FBN1: variants seen among roughly 807,000 people sequenced by gnomAD.
FBN1 encodes the protein fibrillin-1.
FBN1 carries 29 observed loss-of-function variants against 365.1 expected under a neutral mutation model. The ratio of observed to expected loss-of-function variants is 0.08; its 90% CI spans 0.06 to 0.11. FBN1 has a LOEUF of 0.11. FBN1 is among the 10% of genes least tolerant of loss of function. The pLI is 1.00. For synonymous variants in FBN1, 1,210 were observed against 1,270.5 expected, an observed-to-expected ratio of 0.95 and a Z score of 1.01; for missense variants, 2,476 against 3,703.2, an observed-to-expected ratio of 0.67 and a Z score of 8.60.
At chr15:48,441,896 A>T in intron 49 of FBN1, 50 bp from the exon 50 acceptor site, 1 of 1,602,358 alleles carries the variant, frequency 6.2e-7, no homozygotes, top group South Asian at 1.1e-5. Flanking sequence ...TGGAGACATC[A>T]TCAGGTACCA....
intron 29 of FBN1, 21 bp downstream of exon 29, chr15:48,487,054 A>C: frequency 6.9e-7 from 1 of 1,452,554 alleles, no homozygotes; most frequent in Non-Finnish European, 9.1e-7. Context: ...ATAAAATAAA[A>C]TAAAATAAAA....
intron 47 of FBN1, 151 bp from the exon 48 acceptor site, chr15:48,445,655 T>C (rs577769742): frequency 7.0e-5 from 54 of 769,428 alleles, no homozygotes; most frequent in East Asian, 8.2e-5. Flanking sequence ...GAAGATCTAG[T>C]TTGCAACAAC....
intron 26 of FBN1, 39 bp from the exon 27 acceptor site, chr15:48,488,280 G>A (rs778278117): frequency 1.2e-6 from 2 of 1,614,096 alleles, no homozygotes; most frequent in African/African-American, 1.3e-5. Flanking sequence ...TGAGTCTCAG[G>A]ACAGCCTTAA....
At chr15:48,631,897 C>T (rs867889448) in intron 2 of FBN1, among the ~76,000 whole-genome samples, 89 of 152,302 alleles carry the variant, frequency 5.8e-4, no homozygotes, top group African/African-American at 2.1e-3. Flanking sequence ...TGGTTTTCAA[C>T]CCAGTCTTTC....
chr15:48,441,752 A>G lies in FBN1; in HGVS notation c.6132T>C (p.Phe2044=). The G allele has an allele frequency of 6.2e-7, 1 of 1,613,748 alleles. No individual in the cohort carries two copies. Among genetic ancestry groups the G allele is most frequent in the Non-Finnish European group, 8.5e-7 (1 of 1,179,692 alleles). The change falls in exon 50 of 66, where the codon TTT becomes TTC. Residue 2044 remains phenylalanine, a synonymous_variant. Transcript: ENST00000316623. ...GSFKCLCPEG[F]SLSSSGRRCQ... ...ACCTTCTTCCACTGGAGGACAAGGA[A>G]AACCCTTCTGGACACAGACATTTGA... is the stretch of plus-strand genomic sequence containing the variant.
intron 23 of FBN1, among the ~76,000 whole-genome samples, chr15:48,493,931 T>G (rs1216802403): frequency 2.0e-5 from 3 of 152,242 alleles, no homozygotes; most frequent in Non-Finnish European, 4.4e-5. Flanking sequence ...CTCTTCCTGA[T>G]AGCATTTTGA....
At chr15:48,617,007 T>TTCTAGAG (rs1330065188) in intron 2 of FBN1, among the ~76,000 whole-genome samples, 2 of 152,190 alleles carry the variant, frequency 1.3e-5, no homozygotes, top group African/African-American at 4.8e-5. Flanking sequence ...AGCCTCCTGA[T>TTCTAGAG]TCTAGAGTAC....
rs571906167 is a variant in FBN1 at position 48,411,111 on chromosome 15, C to T, written c.8495G>A (p.Ser2832Asn). The T allele has an allele frequency of 6.8e-6, 11 of 1,614,104 alleles. No homozygotes were observed. The South Asian group carries it at 1.2e-4, about 18-fold the overall frequency. The change falls in exon 66 of 66, where the codon AGT (serine) becomes AAT (asparagine). Residue 2832 changes from serine to asparagine, a missense_variant. Transcript: ENST00000316623. ...PVAGTYSLQI[S>N]STPLYKKKEL... ...TTTCTTTTTATAAAGTGGAGTACTA[C>T]TGATTTGTAATGAATAGGTTCCAGC...
Position 48,427,768 on chromosome 15 carries a change from G to A in FBN1, c.7003C>T (p.Arg2335Trp), listed in dbSNP as rs794728262. ...SPNQDECLDN[R>W]EGYCFTEVLQ... ...ACCTCTGTGAAGCAGTACCCTTCCC[G>A]ATTGTCTGGAAGGGACATTATATGG... Residue 2335 changes from arginine (R) to tryptophan (W), a missense_variant, in exon 58 of 66, where the codon CGG becomes TGG. This residue lies in a region of FBN1 where 1,780 missense variants were observed against 2,840.8 expected (regional missense o/e 0.63). Transcript: ENST00000316623. The A allele has an allele frequency of 2.5e-6, 4 of 1,613,678 alleles. No individual in the cohort carries two copies. Among genetic ancestry groups the A allele is most frequent in the Non-Finnish European group, 1.7e-6 (2 of 1,179,764 alleles).
At chr15:48,488,562 C>T (rs2043530077) in intron 25 of FBN1, 69 bp from the exon 26 acceptor site, 4 of 1,565,254 alleles carry the variant, frequency 2.6e-6, no homozygotes, top group African/African-American at 2.7e-5. Flanking sequence ...TCAATGCCCA[C>T]CATTTTAAAT....
At chr15:48,623,710 T>C (rs1889814315) in intron 2 of FBN1, among the ~76,000 whole-genome samples, 1 of 152,148 alleles carries the variant, frequency 6.6e-6, no homozygotes, top group Non-Finnish European at 1.5e-5. Context: ...ATAGGTCTCT[T>C]TGGATGTGCT....
chr15:48,503,480 C>A (rs547688627), intron 17 of FBN1, among the ~76,000 whole-genome samples: 3 of 152,208 alleles, frequency 2.0e-5, no homozygotes, highest in East Asian at 3.9e-4. Context: ...ATAGTTTCTG[C>A]AAAATGCAAA....
chr15:48,628,128 GC>G (rs1179073854), intron 2 of FBN1, among the ~76,000 whole-genome samples: 3 of 152,146 alleles, frequency 2.0e-5, no homozygotes, highest in Non-Finnish European at 4.4e-5. Context: ...CGGGTGATGT[GC>G]CTGGCACACA....
intron 2 of FBN1, chr15:48,642,472 C>T (rs1045677297): frequency 2.0e-5 from 3 of 152,038 alleles, no homozygotes; most frequent in Non-Finnish European, 4.4e-5. Context: ...CAGAATATTG[C>T]ATGTACAATA....
intron 36 of FBN1, among the ~76,000 whole-genome samples, chr15:48,470,084 T>G (rs1401381543): frequency 6.6e-6 from 1 of 151,998 alleles, no homozygotes; most frequent in African/African-American, 2.4e-5. Flanking sequence ...GAGAACCGAG[T>G]GTCAGTCTGC....
At position 48,437,926 on chromosome 15, in the gene FBN1, T is replaced by C; in HGVS notation, c.6164-9A>G. On this transcript the variant is annotated splice_polypyrimidine_tract_variant and intron_variant, in intron 50 of 65. Coordinates refer to ENST00000316623, the MANE Select transcript of FBN1 (RefSeq NM_000138.5). ...GTAGCTCATTCGCAAATCTGCAGCA[T>C]AAATTTATGACACCCTTCAGTTGCT... The C allele has an allele frequency of 6.2e-7, 1 of 1,613,512 alleles. No individual in the cohort carries two copies. Among genetic ancestry groups the C allele is most frequent in the Non-Finnish European group, 8.5e-7 (1 of 1,179,686 alleles).
intron 22 of FBN1, among the ~76,000 whole-genome samples, chr15:48,494,497 C>A (rs976590551): frequency 2.6e-5 from 4 of 152,110 alleles, no homozygotes; most frequent in African/African-American, 9.7e-5. Flanking sequence ...ACAGACGTGC[C>A]CTATAGATCA....
intron 24 of FBN1, among the ~76,000 whole-genome samples, chr15:48,491,342 T>C (rs2043556607): frequency 1.3e-5 from 2 of 151,974 alleles, no homozygotes; most frequent in Non-Finnish European, 2.9e-5. Context: ...ACTTTCTTTT[T>C]CTTTTTCTTT....
intron 47 of FBN1, among the ~76,000 whole-genome samples, chr15:48,446,339 A>G (rs1204110717): frequency 6.6e-6 from 1 of 152,168 alleles, no homozygotes; most frequent in African/African-American, 2.4e-5. Context: ...CTTTTATTAC[A>G]GTATACTGTT....
Sources: gnomAD v4.1 joint callset for allele counts (sites outside exome capture counted in the v4.1 genomes callset) on GRCh38, gnomAD v4.1.1 for gene constraint, gnomAD v4.1.1 regional missense constraint, MANE v1.5 for transcripts, NCBI Gene and HGNC (gene_info 2026-07-23, HGNC 2026-07-21) for gene names.